Variants in SLC3A1 observed in about 807,000 individuals in gnomAD.
SLC3A1 encodes the protein amino acid transporter heavy chain SLC3A1.
SLC3A1 carries 78 observed loss-of-function variants against 60.3 expected under a neutral mutation model. The ratio of observed to expected loss-of-function variants is 1.29; its 90% confidence interval spans 1.08 to 1.56. The LOEUF (loss-of-function observed/expected upper bound fraction) is 1.56. Among genes scored for constraint, SLC3A1 ranks in the 40% most tolerant of loss-of-function variants. The pLI, the probability that SLC3A1 is intolerant of heterozygous loss-of-function variation, is 0.00. For missense variants in SLC3A1, 1,172 were observed against 858.9 expected, an observed-to-expected ratio of 1.36 and a Z score of -4.56; for synonymous variants, 392 against 307.9, an observed-to-expected ratio of 1.27 and a Z score of -2.86.
At chr2:44,314,047 C>G in intron 9 of SLC3A1, 96 bp downstream of exon 9, 2 of 1,583,654 alleles carry the variant, frequency 1.3e-6, no homozygotes, top group Middle Eastern at 2.0e-4. Context: ...TAAACCTTAA[C>G]GGATACTCTT....
intron 1 of SLC3A1, 48 bp from the exon 2 acceptor site, chr2:44,280,668 A>T: frequency 7.4e-7 from 1 of 1,343,012 alleles, no homozygotes; most frequent in Non-Finnish European, 1.1e-6. Context: ...TTTGTCCTTT[A>T]ACTAAAACAA....
In SLC3A1 at chr2:44,290,583, G is replaced by A. The variant is rs79313020; in HGVS notation, c.891+4426G>A. Among the ~76,000 whole-genome samples the A allele has an allele frequency of 3.8e-3, 576 of 152,016 alleles. 4 individuals carry two copies. The highest frequency in any genetic ancestry group is 0.01 in the African/African-American group (431 of 41,446). ...ATGAGATGTCTTTCCATTTATTTAC[G>A]TGTTCTTTCATTTCTTTCAACAATG... On this transcript the variant is annotated intron_variant, in intron 4 of 9. Transcript: ENST00000260649.
At chr2:44,289,423 C>G (rs1054077723) in intron 4 of SLC3A1, among the ~76,000 whole-genome samples, 1 of 151,844 alleles carries the variant, frequency 6.6e-6, no homozygotes, top group African/African-American at 2.4e-5. Flanking sequence ...GTTGGCCAGG[C>G]TGGTCTCGAA....
chr2:44,287,459 C>T (rs1038155034), intron 4 of SLC3A1, among the ~76,000 whole-genome samples: 1 of 152,078 alleles, frequency 6.6e-6, no homozygotes, highest in East Asian at 1.9e-4. Context: ...GGTTGCCAAA[C>T]TTAGCAAAGA....
rs769571471 is a variant in SLC3A1, at chr2:44,320,545, T to A, written c.1964T>A (p.Leu655His). 57 of 1,614,050 alleles carry A rather than the reference T, an allele frequency of 3.5e-5. No individual in the cohort carries two copies. Among genetic ancestry groups the A allele is most frequent in the Non-Finnish European group, 4.5e-5 (53 of 1,179,924 alleles). ...ATCTTTGAACACAACACGAAGAATC[T>A]CCTTCATCGCCAAACAGCTTTCAGA... is the stretch of plus-strand genomic sequence containing the variant. Reference protein sequence around the residue: ...GLIFEHNTKNLLHRQTAFRDR... With the variant: ...GLIFEHNTKNHLHRQTAFRDR... The change falls in exon 10 of 10, where the codon CTC (leucine) becomes CAC (histidine). Residue 655 changes from leucine to histidine, a missense_variant. Coordinates refer to ENST00000260649, the MANE Select transcript of SLC3A1 (RefSeq NM_000341.4).
intron 7 of SLC3A1, among the ~76,000 whole-genome samples, chr2:44,312,048 G>C (rs1275027533): frequency 6.6e-6 from 1 of 152,028 alleles, no homozygotes; most frequent in South Asian, 2.1e-4. Context: ...ATTTAAATAA[G>C]GGCTAGAATA....
At chr2:44,300,294 G>A (rs1377297427) in intron 5 of SLC3A1, among the ~76,000 whole-genome samples, 1 of 152,164 alleles carries the variant, frequency 6.6e-6, no homozygotes, top group Non-Finnish European at 1.5e-5. Context: ...CCTCCAGAGC[G>A]AGGGATCCCT....
intron 7 of SLC3A1, among the ~76,000 whole-genome samples, chr2:44,309,886 C>CTG (rs1444879681): frequency 6.6e-6 from 1 of 151,834 alleles, no homozygotes; most frequent in South Asian, 2.1e-4. Flanking sequence ...GCATAAGCCA[C>CTG]TGTGCCCAGG....
At chr2:44,316,132 C>T (rs572878033) in intron 9 of SLC3A1, 1 of 152,332 alleles carries the variant, frequency 6.6e-6, no homozygotes, top group East Asian at 1.9e-4. Context: ...GACAGGCAAA[C>T]AAGGAAGGTC....
chr2:44,313,443 GAGT>G (rs780232913), intron 8 of SLC3A1, among the ~76,000 whole-genome samples: 1 of 152,116 alleles, frequency 6.6e-6, no homozygotes, highest in Non-Finnish European at 1.5e-5. Flanking sequence ...CTGAATAAAC[GAGT>G]AGGACAGAAT....
chr2:44,277,295 C>T (rs1300625462), intron 1 of SLC3A1, among the ~76,000 whole-genome samples: 4 of 151,736 alleles, frequency 2.6e-5, no homozygotes, highest in African/African-American at 9.7e-5. Flanking sequence ...TTAATAGAGA[C>T]GAGGGTTCTC....
intron 8 of SLC3A1, among the ~76,000 whole-genome samples, chr2:44,313,217 G>A (rs1039137352): frequency 6.6e-6 from 1 of 151,970 alleles, no homozygotes; most frequent in African/African-American, 2.4e-5. Flanking sequence ...TCTGTTATCA[G>A]GTGCAGTGCA....
At chr2:44,281,273 C>T (rs1671493181) in intron 2 of SLC3A1, 114 bp from the exon 3 acceptor site, 1 of 916,984 alleles carries the variant, frequency 1.1e-6, no homozygotes, top group South Asian at 1.4e-5. Flanking sequence ...ATCCTCCTAC[C>T]TTAGCCTCCC....
intron 1 of SLC3A1, among the ~76,000 whole-genome samples, chr2:44,277,162 C>A (rs1320162986): frequency 1.4e-5 from 2 of 138,760 alleles, no homozygotes; most frequent in African/African-American, 5.5e-5. Context: ...GGCTGGAGTG[C>A]AATGGCATAA....
intron 1 of SLC3A1, among the ~76,000 whole-genome samples, chr2:44,279,800 C>A (rs180827472): frequency 6.6e-6 from 1 of 152,198 alleles, no homozygotes; most frequent in Admixed American, 6.5e-5. Flanking sequence ...TGAGCCCAAA[C>A]AATCTGCCCA....
intron 9 of SLC3A1, chr2:44,319,506 T>C (rs1328351294): frequency 6.6e-6 from 1 of 152,244 alleles, no homozygotes; most frequent in African/African-American, 2.4e-5. Flanking sequence ...TTATGGAGGC[T>C]ATATTATATA....
chr2:44,280,458 C>G (rs540320744), intron 1 of SLC3A1, among the ~76,000 whole-genome samples: 1 of 151,848 alleles, frequency 6.6e-6, no homozygotes, highest in South Asian at 2.1e-4. Context: ...AGGATGGTCT[C>G]GAGCTCTTGA....
In SLC3A1 at chr2:44,320,271, C is replaced by T. The variant is rs1013049977; in HGVS notation, c.1690C>T (p.Leu564Phe). 3.7e-6 allele frequency: 6 copies of T among 1,613,902 alleles called. No individual in the cohort carries two copies. Among genetic ancestry groups the T allele is most frequent in the Admixed American group, 3.3e-5 (2 of 59,990 alleles). ...DLSLLHANEL[L>F]LNRGWFCHLR... Reference sequence around the variant, plus strand: ...AAGTCTACTTCATGCCAATGAGCTACTCCTCAACAGGGGCTGGTTTTGCCA... The same window carrying T: ...AAGTCTACTTCATGCCAATGAGCTATTCCTCAACAGGGGCTGGTTTTGCCA... Residue 564 changes from leucine (L) to phenylalanine (F), a missense_variant, in exon 10 of 10, where the codon CTC becomes TTC. Physicochemically the swap from Leu to Phe is conservative, Grantham distance 22. Transcript: ENST00000260649.
In SLC3A1 at chr2:44,314,203, C is replaced by G. The variant is rs78474108; in HGVS notation, c.1617+252C>G. On this transcript the variant is annotated intron_variant, in intron 9 of 9. Transcript: ENST00000260649. ...CAAGTCTTCATTGCAATGACCTTTA[C>G]TAAGGCCTTTGAGCTATGAAGGAAA... 6,240 of 920,264 alleles carry G rather than the reference C, an allele frequency of 6.8e-3. 280 individuals are homozygous for G. In the African/African-American group the frequency reaches 0.091, roughly 13 times the overall value. The allele number at this position is 920,264 out of a possible 1,614,324, so 57.0% of individuals were successfully genotyped here.
Sources: allele counts gnomAD v4.1 joint callset (sites outside exome capture counted in the v4.1 genomes callset), GRCh38; gene constraint gnomAD v4.1.1; transcripts MANE v1.5; gene names NCBI Gene and HGNC (gene_info 2026-07-23, HGNC 2026-07-21).